Variants in FHIP1A observed in about 807,000 individuals in gnomAD.
FHIP1A encodes the protein FHF complex subunit HOOK interacting protein 1A, also known as FHF complex subunit HOOK-interacting protein 1A.
A neutral mutation model predicts 88.6 loss-of-function variants in FHIP1A; 61 were observed. That is an observed-to-expected ratio of 0.69 (90% CI 0.56 to 0.85). The LOEUF (loss-of-function observed/expected upper bound fraction) is 0.85. FHIP1A is among the 40% of genes least tolerant of loss of function. The probability of loss-of-function intolerance (pLI) is 0.00; values close to 1 mark genes in which losing one functional copy is unlikely to be tolerated. For missense variants in FHIP1A, 1,154 were observed against 1,273.5 expected (o/e 0.91, Z 1.43); for synonymous variants, 478 against 496.0 (o/e 0.96, Z 0.48).
intron 3 of FHIP1A, among the ~76,000 whole-genome samples, chr4:151,556,199 C>T (rs540842605): frequency 6.6e-6 from 1 of 152,226 alleles, no homozygotes; most frequent in African/African-American, 2.4e-5. Context: ...GAGCAACTTA[C>T]ATGGGAGAGC....
rs528796108 is a variant in FHIP1A, at chr4:151,419,486, T to C, written c.-356+10021T>C. ...CTGGTTCTGTTTCTCTGGAGAACCA[T>C]TGGCTGATTCTCAGGGCATTTATGA... On this transcript the variant is annotated intron_variant, in intron 1 of 13. Transcript: ENST00000435205. Among the ~76,000 whole-genome samples the C allele has an allele frequency of 7.9e-5, 12 of 152,048 alleles. No homozygotes were observed. In the South Asian group the frequency reaches 1.7e-3, roughly 21 times the overall value.
chr4:151,604,806 G>A (rs1223761360), intron 7 of FHIP1A, among the ~76,000 whole-genome samples: 7 of 150,960 alleles, frequency 4.6e-5, no homozygotes, highest in African/African-American at 1.2e-4. Context: ...CTGAGATCGC[G>A]CCACTGTACT....
At chr4:151,595,821 T>A (rs1734625776) in intron 7 of FHIP1A, among the ~76,000 whole-genome samples, 2 of 152,252 alleles carry the variant, frequency 1.3e-5, no homozygotes. Context: ...GTTTAAAGTA[T>A]GTTTTATCAG....
chr4:151,550,475 G>A (rs1409481488), intron 3 of FHIP1A, among the ~76,000 whole-genome samples: 1 of 152,108 alleles, frequency 6.6e-6, no homozygotes, highest in African/African-American at 2.4e-5. Context: ...TAGAGTAAAA[G>A]CCAGTTTTTG....
At chr4:151,553,446 A>G (rs938768928) in intron 3 of FHIP1A, among the ~76,000 whole-genome samples, 19 of 152,206 alleles carry the variant, frequency 1.2e-4, no homozygotes, top group Non-Finnish European at 2.2e-4. Flanking sequence ...AATACAGTTA[A>G]TGTATCCTTT....
Position 151,656,276 on chromosome 4 carries a change from G to C in FHIP1A, c.2596G>C (p.Glu866Gln), listed in dbSNP as rs763904764. 8.4e-6 allele frequency: 13 copies of C among 1,551,666 alleles called. 1 individual carries two copies. In the South Asian group the frequency reaches 1.2e-4, roughly 14 times the overall value. Reference sequence around the variant, plus strand: ...CCTGTCAAAGCTGGAGAACATGCTGGAGAACTCTTTACATGTTAATTTGCT... The same window carrying C: ...CCTGTCAAAGCTGGAGAACATGCTGCAGAACTCTTTACATGTTAATTTGCT... ...VVLSKLENMLENSLHVNLLLI... is the reference protein window; with the variant it reads ...VVLSKLENMLQNSLHVNLLLI... Residue 866 changes from glutamate (E) to glutamine (Q), a missense_variant, in exon 12 of 14, where the codon GAG becomes CAG. Glu to Gln is a conservative substitution (Grantham distance 29). Coordinates refer to ENST00000435205, the MANE Select transcript of FHIP1A (RefSeq NM_001109977.3). The surrounding 1 kb of genome is among the most constrained non-coding windows in gnomAD (Gnocchi z 4.2).
intron 7 of FHIP1A, among the ~76,000 whole-genome samples, chr4:151,608,264 C>G (rs1207663899): frequency 1.3e-5 from 2 of 151,886 alleles, no homozygotes; most frequent in African/African-American, 4.8e-5. Flanking sequence ...AGGCTGGTCT[C>G]AAACTCCTGA....
chr4:151,629,649 T>C, intron 7 of FHIP1A, 53 bp from the exon 8 acceptor site: 1 of 1,509,300 alleles, frequency 6.6e-7, no homozygotes, highest in East Asian at 2.5e-5. Context: ...GAGAGGCGTG[T>C]ATCACAGCAT....
At chr4:151,461,973 G>A (rs1729156068) in intron 2 of FHIP1A, among the ~76,000 whole-genome samples, 1 of 152,082 alleles carries the variant, frequency 6.6e-6, no homozygotes, top group South Asian at 2.1e-4. Flanking sequence ...GACCAGTCTG[G>A]GCAACAAGGG....
At chr4:151,416,655 T>C (rs892561982) in intron 1 of FHIP1A, among the ~76,000 whole-genome samples, 4 of 152,196 alleles carry the variant, frequency 2.6e-5, no homozygotes. Flanking sequence ...TTAGAAAAAA[T>C]GTTTCTTGAT....
rs531859968 is a variant in FHIP1A, at chr4:151,525,407, T to C, written c.-122-40731T>C. Among the ~76,000 whole-genome samples the C allele has an allele frequency of 8.5e-5, 13 of 152,350 alleles. No homozygotes were observed. In the East Asian group the frequency reaches 2.3e-3, roughly 27 times the overall value. On this transcript the variant is annotated intron_variant, in intron 3 of 13. Coordinates refer to ENST00000435205, the MANE Select transcript of FHIP1A (RefSeq NM_001109977.3). ...TCCTGAGAGGAAAAATCGGATTGAC[T>C]CAGCCCATTTTTTGCCCAGCAAAGG...
intron 6 of FHIP1A, among the ~76,000 whole-genome samples, chr4:151,587,303 A>T (rs1470135744): frequency 6.6e-6 from 1 of 152,182 alleles, no homozygotes; most frequent in Non-Finnish European, 1.5e-5. Context: ...TGGGAGAGGA[A>T]AAAAGCAACC....
At chr4:151,629,606 A>G in intron 7 of FHIP1A, 96 bp from the exon 8 acceptor site, 1 of 1,079,198 alleles carries the variant, frequency 9.3e-7, no homozygotes, top group Non-Finnish European at 1.3e-6. Context: ...TCTTGCCTTG[A>G]TGATGTCACT....
At chr4:151,508,015 G>A (rs183927455) in intron 3 of FHIP1A, among the ~76,000 whole-genome samples, 1 of 152,286 alleles carries the variant, frequency 6.6e-6, no homozygotes, top group African/African-American at 2.4e-5. Context: ...AACTGAAGAG[G>A]CTATTTTGAG....
intron 1 of FHIP1A, among the ~76,000 whole-genome samples, chr4:151,438,773 C>T (rs1728303156): frequency 6.6e-6 from 1 of 151,720 alleles, no homozygotes; most frequent in Admixed American, 6.6e-5. Context: ...TCCCTAGTAG[C>T]TGTGATTACA....
At chr4:151,585,142 C>T (rs2126803083) in intron 5 of FHIP1A, among the ~76,000 whole-genome samples, 1 of 152,166 alleles carries the variant, frequency 6.6e-6, no homozygotes, top group African/African-American at 2.4e-5. Flanking sequence ...GCCATTGTCA[C>T]CTCAGGGTTT....
chr4:151,516,436 C>T (rs913933199), intron 3 of FHIP1A, among the ~76,000 whole-genome samples: 1 of 151,994 alleles, frequency 6.6e-6, no homozygotes, highest in South Asian at 2.1e-4. Context: ...GCAGCAAAAG[C>T]CAAAATTGAC....
chr4:151,550,755 C>T (rs1732698162), intron 3 of FHIP1A, among the ~76,000 whole-genome samples: 2 of 152,158 alleles, frequency 1.3e-5, no homozygotes, highest in African/African-American at 4.8e-5. Context: ...TGCTTGACAT[C>T]CTGGGATGCA....
chr4:151,565,979 A>G (rs1264652606), intron 3 of FHIP1A, among the ~76,000 whole-genome samples, 159 bp from the exon 4 acceptor site: 1 of 152,094 alleles, frequency 6.6e-6, no homozygotes, highest in East Asian at 1.9e-4. Flanking sequence ...AAGTAGGAGA[A>G]AACAGGAGAG....
Sources: allele counts gnomAD v4.1 joint callset (sites outside exome capture counted in the v4.1 genomes callset), GRCh38; gene constraint gnomAD v4.1.1; non-coding constraint Gnocchi (gnomAD v3.1); transcripts MANE v1.5; gene names NCBI Gene and HGNC (gene_info 2026-07-23, HGNC 2026-07-21).